The following PIAS1 variants were observed in gnomAD, a reference collection of about 807,000 sequenced individuals.
PIAS1 encodes the protein E3 SUMO-protein ligase PIAS1.
A neutral mutation model predicts 71.3 loss-of-function variants in PIAS1; 6 were observed. The ratio of observed to expected loss-of-function variants is 0.08; its 90% CI spans 0.05 to 0.17. The LOEUF (loss-of-function observed/expected upper bound fraction) is 0.17, where lower values mean the gene tolerates loss of function less well. Ranked by LOEUF, PIAS1 falls within the 10% of genes least tolerant of loss-of-function variation. The pLI is 1.00. For synonymous variants in PIAS1, 303 were observed against 292.9 expected (o/e 1.03, Z -0.35); for missense variants, 555 against 793.6 (o/e 0.70, Z 3.61).
intron 7 of PIAS1, among the ~76,000 whole-genome samples, chr15:68,161,245 T>C (rs1021644147): frequency 6.6e-6 from 1 of 152,172 alleles, no homozygotes; most frequent in African/African-American, 2.4e-5. Context: ...ACACAAACTA[T>C]GTGCAAGATT....
chr15:68,143,276 G>T (rs2092784878), intron 4 of PIAS1, among the ~76,000 whole-genome samples: 1 of 152,052 alleles, frequency 6.6e-6, no homozygotes, highest in South Asian at 2.1e-4. Context: ...ATACTAAGTT[G>T]TATGTACAAG....
At chr15:68,146,277 C>G (rs2092807374) in intron 5 of PIAS1, among the ~76,000 whole-genome samples, 1 of 152,128 alleles carries the variant, frequency 6.6e-6, no homozygotes, top group Non-Finnish European at 1.5e-5. Context: ...CCTTGAAATA[C>G]TACTACTCAT....
intron 2 of PIAS1, among the ~76,000 whole-genome samples, chr15:68,140,862 C>G (rs921151217): frequency 3.3e-5 from 5 of 152,046 alleles, no homozygotes. Flanking sequence ...TCATTTTCTT[C>G]TAGAAAATTA....
chr15:68,102,218 GTCC>G (rs1409464916), intron 2 of PIAS1, among the ~76,000 whole-genome samples: 1 of 152,136 alleles, frequency 6.6e-6, no homozygotes, highest in African/African-American at 2.4e-5. Flanking sequence ...TGCAAAGGCC[GTCC>G]TCCTCCATTG....
In PIAS1 at chr15:68,173,602, A is replaced by T. The variant is rs1024318011; in HGVS notation, c.1009-130A>T. On this transcript the variant is annotated intron_variant, in intron 8 of 13. Coordinates refer to ENST00000249636, the MANE Select transcript of PIAS1 (RefSeq NM_016166.3). This position sits in a 1 kb window ranked among gnomAD's most constrained non-coding sequence, Gnocchi z 4.3. ...CAGGAAATGTGTTTAATGTTCTTCT[A>T]CATTGATGAAAAGTCAACACTGTAT... is the stretch of plus-strand genomic sequence containing the variant. 2.1e-6 allele frequency: 1 copy of T among 485,606 alleles called. No homozygotes were observed. Among genetic ancestry groups the T allele is most frequent in the Non-Finnish European group, 3.6e-6 (1 of 279,678 alleles). The allele number at this position is 485,606 out of a possible 1,614,324, so 30.1% of individuals were successfully genotyped here.
intron 2 of PIAS1, among the ~76,000 whole-genome samples, chr15:68,141,161 T>C (rs1277292416): frequency 6.6e-6 from 1 of 152,108 alleles, no homozygotes; most frequent in Non-Finnish European, 1.5e-5. Flanking sequence ...ATGGTGCCAC[T>C]GTACTCCAGC....
At chr15:68,093,484 A>G (rs1455782593) in intron 2 of PIAS1, among the ~76,000 whole-genome samples, 1 of 152,228 alleles carries the variant, frequency 6.6e-6, no homozygotes, top group Non-Finnish European at 1.5e-5. Context: ...AGTTAATCAT[A>G]ATATCAGTTA....
intron 2 of PIAS1, among the ~76,000 whole-genome samples, chr15:68,087,327 G>C (rs1351031599): frequency 6.6e-6 from 1 of 152,038 alleles, no homozygotes; most frequent in Non-Finnish European, 1.5e-5. Flanking sequence ...TTACTGTGTT[G>C]TTCCATCATT....
chr15:68,142,422 G>A, intron 4 of PIAS1, 85 bp downstream of exon 4: 1 of 1,048,674 alleles, frequency 9.5e-7, no homozygotes, highest in Non-Finnish European at 1.5e-6. Flanking sequence ...GTACAGTGCT[G>A]ACTGTAGGAT....
rs540771792 is a variant in PIAS1 at position 68,190,067 on chromosome 15, T to G, written c.*2232T>G. 3 of 152,316 alleles carry G rather than the reference T, an allele frequency of 2.0e-5. No homozygotes were observed. Among genetic ancestry groups the G allele is most frequent in the African/African-American group, 7.2e-5 (3 of 41,588 alleles). 9.4% of individuals were successfully genotyped at this position (152,316 alleles called of 1,614,324 possible). ...CTCAGAATTCTGATCAGTAACTTTG[T>G]GTATGATGCTGAATTACAAACCGTT... On this transcript the variant is annotated 3_prime_UTR_variant, in exon 14 of 14. Transcript: ENST00000249636. The surrounding 1 kb of genome is among the most constrained non-coding windows in gnomAD (Gnocchi z 4.7).
In PIAS1 at chr15:68,190,530, G is replaced by GCTAT. The variant is rs1274202893; in HGVS notation, c.*2698_*2701dup. ...CCCCAACCCATCCCAACATTGACATGCTATCTGTGGACAAATAGCAGTTCT... is the reference window on the plus strand; with the variant it reads ...CCCCAACCCATCCCAACATTGACATGCTATCTATCTGTGGACAAATAGCAGTTCT... On this transcript the variant is annotated 3_prime_UTR_variant, in exon 14 of 14. Coordinates refer to ENST00000249636, the MANE Select transcript of PIAS1 (RefSeq NM_016166.3). The surrounding 1 kb of genome is among the most constrained non-coding windows in gnomAD (Gnocchi z 4.7). The GCTAT allele has an allele frequency of 6.6e-6, 1 of 151,998 alleles. No homozygotes were observed. Among genetic ancestry groups the GCTAT allele is most frequent in the African/African-American group, 2.4e-5 (1 of 41,352 alleles). The allele number at this position is 151,998 out of a possible 1,614,324, so 9.4% of individuals were successfully genotyped here.
chr15:68,074,479 T>G (rs2140969208), intron 1 of PIAS1, among the ~76,000 whole-genome samples: 1 of 152,302 alleles, frequency 6.6e-6, no homozygotes, highest in Non-Finnish European at 1.5e-5. Context: ...AACTTTTATT[T>G]TTAAACTTTT....
In PIAS1 at chr15:68,186,798, G is replaced by GT. The variant is rs1354632218; in HGVS notation, c.1663-743dup. On this transcript the variant is annotated intron_variant, in intron 13 of 13. Transcript: ENST00000249636. This position sits in a 1 kb window ranked among gnomAD's most constrained non-coding sequence, Gnocchi z 4.4. ...ACAGTTGCCTACGGCATTCAGCACA[G>GT]TAACATGCTGTACAGGTTTGTAGCC... is the stretch of plus-strand genomic sequence containing the variant. Among the ~76,000 whole-genome samples the GT allele has an allele frequency of 6.6e-6, 1 of 152,252 alleles. No homozygotes were observed. The highest frequency in any genetic ancestry group is 2.4e-5 in the African/African-American group (1 of 41,470).
chr15:68,121,791 T>G (rs768761571), intron 2 of PIAS1, among the ~76,000 whole-genome samples: 1 of 152,120 alleles, frequency 6.6e-6, no homozygotes, highest in Non-Finnish European at 1.5e-5. Context: ...GAAGCCCTAT[T>G]GAACGTATTT....
At chr15:68,139,620 A>G (rs555743550) in intron 2 of PIAS1, among the ~76,000 whole-genome samples, 2 of 152,182 alleles carry the variant, frequency 1.3e-5, no homozygotes, top group Non-Finnish European at 2.9e-5. Flanking sequence ...CCCCATTAAT[A>G]TGTATAATTA....
chr15:68,135,006 C>T (rs2092715427), intron 2 of PIAS1, among the ~76,000 whole-genome samples: 1 of 47,472 alleles, frequency 2.1e-5, no homozygotes, highest in Non-Finnish European at 8.8e-5. Flanking sequence ...GGGCGGCTGG[C>T]CGGGCAGAGG....
chr15:68,090,485 C>T lies in PIAS1; in HGVS notation c.469+3735C>T, dbSNP rs34298904. 4.9e-3 allele frequency among the ~76,000 whole-genome samples: 732 copies of T among 150,434 alleles called. 6 individuals carry two copies. Among genetic ancestry groups the T allele is most frequent in the African/African-American group, 0.016 (675 of 41,414 alleles). On this transcript the variant is annotated intron_variant, in intron 2 of 13. Transcript: ENST00000249636. ...TTTGTTCCTCAAAATGATAAGGCTT[C>T]TGAGGCATTTATCTATAAATCCCTA... is the stretch of plus-strand genomic sequence containing the variant.
At chr15:68,096,352 A>C (rs777002098) in intron 2 of PIAS1, among the ~76,000 whole-genome samples, 2 of 152,002 alleles carry the variant, frequency 1.3e-5, no homozygotes, top group Admixed American at 6.6e-5. Flanking sequence ...TTTTGAAATA[A>C]GGAAGTGTGA....
chr15:68,143,398 C>T (rs2092785849), intron 4 of PIAS1, among the ~76,000 whole-genome samples: 1 of 152,032 alleles, frequency 6.6e-6, no homozygotes, highest in Non-Finnish European at 1.5e-5. Context: ...AAGGTAAAAA[C>T]AGTGAGAAAG....
Sources: gnomAD v4.1 joint callset for allele counts (sites outside exome capture counted in the v4.1 genomes callset) on GRCh38, gnomAD v4.1.1 for gene constraint, Gnocchi (gnomAD v3.1) non-coding constraint, MANE v1.5 for transcripts, NCBI Gene and HGNC (gene_info 2026-07-23, HGNC 2026-07-21) for gene names.